HSPA12A: variants seen among roughly 807,000 people sequenced by gnomAD.
HSPA12A encodes heat shock 70 kDa protein 12A.
A neutral mutation model predicts 69.2 loss-of-function variants in HSPA12A; 28 were observed. That is an observed-to-expected ratio of 0.40 (90% confidence interval 0.30 to 0.55). HSPA12A has a LOEUF of 0.55. Ranked by LOEUF, HSPA12A falls within the 20% of genes least tolerant of loss-of-function variation. The probability of loss-of-function intolerance (pLI) is 0.38; values close to 1 mark genes in which losing one functional copy is unlikely to be tolerated. For missense variants in HSPA12A, 686 were observed against 900.7 expected (o/e 0.76, Z 3.05); for synonymous variants, 345 against 370.5 (o/e 0.93, Z 0.79).
intron 2 of HSPA12A, among the ~76,000 whole-genome samples, chr10:116,771,548 C>G (rs1273710780): frequency 1.3e-5 from 2 of 152,212 alleles, no homozygotes; most frequent in African/African-American, 4.8e-5. Context: ...ATTTCCAGGG[C>G]CTAGACAGAG....
At chr10:116,720,449 G>T (rs917850989) in intron 1 of HSPA12A, among the ~76,000 whole-genome samples, 2 of 152,256 alleles carry the variant, frequency 1.3e-5, no homozygotes, top group Non-Finnish European at 2.9e-5. Context: ...GGCCGGGGCA[G>T]CGCCCTAGTC....
chr10:116,841,685 C>T (rs1269351636), intron 1 of HSPA12A, among the ~76,000 whole-genome samples: 1 of 151,904 alleles, frequency 6.6e-6, no homozygotes, highest in African/African-American at 2.4e-5. Flanking sequence ...GGTAAATTTG[C>T]CTAAAATGAT....
At position 116,762,671 on chromosome 10, in the gene HSPA12A, C is replaced by T. The variant is rs377352504; in HGVS notation, c.92-55386G>A. On this transcript the variant is annotated intron_variant, in intron 2 of 12. Transcript: ENST00000635765. ...CAGTCTCGGCTCACTACAACCTTCA[C>T]CTCCTGGGTTCAAGCGATTCTTCTG... Among the ~76,000 whole-genome samples the T allele has an allele frequency of 5.6e-4, 86 of 152,326 alleles. 4 individuals carry two copies. The South Asian group carries it at 0.016, about 29-fold the overall frequency.
chr10:116,781,440 GC>G (rs1554891790), intron 2 of HSPA12A, among the ~76,000 whole-genome samples: 1 of 152,120 alleles, frequency 6.6e-6, no homozygotes, highest in East Asian at 1.9e-4. Flanking sequence ...TGGTCCTCTG[GC>G]TCTCTAGTTT....
At chr10:116,677,068 C>T (rs782767959) in intron 10 of HSPA12A, among the ~76,000 whole-genome samples, 7 of 152,242 alleles carry the variant, frequency 4.6e-5, no homozygotes, top group East Asian at 1.9e-4. Flanking sequence ...ACCACCACTG[C>T]GGAGCTCTGG....
chr10:116,718,301 A>G (rs1589657287), intron 1 of HSPA12A, among the ~76,000 whole-genome samples: 1 of 151,972 alleles, frequency 6.6e-6, no homozygotes, highest in Non-Finnish European at 1.5e-5. Flanking sequence ...AACACTCACC[A>G]CCTGTCCCTG....
intron 3 of HSPA12A, 82 bp downstream of exon 3, chr10:116,705,069 C>T: frequency 1.9e-6 from 3 of 1,552,908 alleles, no homozygotes; most frequent in South Asian, 1.1e-5. Context: ...TCGTAAGTGC[C>T]AATCACTGGC....
intron 2 of HSPA12A, among the ~76,000 whole-genome samples, chr10:116,786,534 C>T (rs923781086): frequency 1.3e-5 from 2 of 151,970 alleles, no homozygotes; most frequent in Admixed American, 6.6e-5. Flanking sequence ...GAAAAATGTT[C>T]GTTCTCATTT....
At chr10:116,688,781 C>T (rs1312853908) in intron 6 of HSPA12A, among the ~76,000 whole-genome samples, 5 of 152,212 alleles carry the variant, frequency 3.3e-5, no homozygotes, top group East Asian at 3.9e-4. Flanking sequence ...TTATTTAACA[C>T]GTTTCCGGAG....
rs1178206968 is a variant in HSPA12A, at chr10:116,672,542, C to T, written c.*2239G>A. ...TCGGTCTTGCGTACATAGTCCATAG[C>T]TTGGCATCAGCACAGATCGATGCTT... On this transcript the variant is annotated 3_prime_UTR_variant, in exon 12 of 12. Coordinates refer to ENST00000369209, the MANE Select transcript of HSPA12A (RefSeq NM_025015.3). 6.6e-6 allele frequency: 1 copy of T among 152,394 alleles called. No individual in the cohort carries two copies. Among genetic ancestry groups the T allele is most frequent in the Admixed American group, 6.5e-5 (1 of 15,286 alleles). 9.4% of individuals were successfully genotyped at this position (152,394 alleles called of 1,614,324 possible).
intron 5 of HSPA12A, 115 bp from the exon 6 acceptor site, chr10:116,692,582 C>G (rs996216430): frequency 1.3e-6 from 1 of 751,588 alleles, no homozygotes; most frequent in Non-Finnish European, 2.3e-6. Context: ...GAGCCAGTTT[C>G]AGGGTCCCCC....
At chr10:116,771,194 T>A (rs1400976921) in intron 2 of HSPA12A, among the ~76,000 whole-genome samples, 2 of 152,240 alleles carry the variant, frequency 1.3e-5, no homozygotes, top group African/African-American at 4.8e-5. Flanking sequence ...CTGCCCATTT[T>A]GCCTCCAACA....
intron 2 of HSPA12A, among the ~76,000 whole-genome samples, chr10:116,763,447 T>G (rs1008781304): frequency 6.6e-6 from 1 of 152,220 alleles, no homozygotes; most frequent in Admixed American, 6.5e-5. Flanking sequence ...CTGCTCACAT[T>G]CTGATAGTAG....
chr10:116,791,271 A>C (rs1397757531), intron 2 of HSPA12A, among the ~76,000 whole-genome samples: 1 of 152,254 alleles, frequency 6.6e-6, no homozygotes, highest in Non-Finnish European at 1.5e-5. Context: ...AAAGGAGGTC[A>C]GATGTGTTTA....
chr10:116,827,045 C>T (rs866516648), intron 2 of HSPA12A, among the ~76,000 whole-genome samples: 25 of 152,262 alleles, frequency 1.6e-4, no homozygotes, highest in African/African-American at 4.8e-4. Flanking sequence ...GCAGGGGTTC[C>T]GCAGATGTTG....
rs538793387 is a variant in HSPA12A, at chr10:116,674,876, G to A, written c.1933C>T (p.Leu645Phe). 1 of 1,613,648 alleles carries A rather than the reference G, an allele frequency of 6.2e-7. No homozygotes were observed. Among genetic ancestry groups the A allele is most frequent in the African/African-American group, 1.3e-5 (1 of 74,910 alleles). The change falls in exon 12 of 12, where the codon CTT (leucine) becomes TTT (phenylalanine). Residue 645 changes from leucine (L) to phenylalanine (F), a missense_variant. Coordinates refer to ENST00000369209, the MANE Select transcript of HSPA12A (RefSeq NM_025015.3). ...ATCTCGGTGTCCCCGAACTGCATAA[G>A]GGTCTGGATCTCCCTCCGGGCGGGC... ...AVPARREIQT[L>F]MQFGDTEIKA...
At chr10:116,760,626 C>A (rs782254184) in intron 2 of HSPA12A, among the ~76,000 whole-genome samples, 3 of 152,340 alleles carry the variant, frequency 2.0e-5, no homozygotes, top group Admixed American at 6.5e-5. Context: ...AATGAATTAT[C>A]AAATTCCAAA....
At chr10:116,726,843 C>T (rs781936057) in intron 1 of HSPA12A, among the ~76,000 whole-genome samples, 1 of 152,232 alleles carries the variant, frequency 6.6e-6, no homozygotes, top group African/African-American at 2.4e-5. Flanking sequence ...CACCCTCCAG[C>T]CTTAACTATT....
chr10:116,729,845 C>T (rs1459497866), intron 1 of HSPA12A, among the ~76,000 whole-genome samples: 5 of 152,198 alleles, frequency 3.3e-5, no homozygotes, highest in African/African-American at 1.2e-4. Context: ...ATAGACTAAA[C>T]TTTAACGAAA....
Sources: gnomAD v4.1 joint callset for allele counts (sites outside exome capture counted in the v4.1 genomes callset) on GRCh38, gnomAD v4.1.1 for gene constraint, MANE v1.5 for transcripts, NCBI Gene and HGNC (gene_info 2026-07-23, HGNC 2026-07-21) for gene names.